The following SPDYE3 variants were observed in gnomAD, a reference collection of about 807,000 sequenced individuals.
The protein encoded by SPDYE3 is speedy/RINGO cell cycle regulator family member E3.
In SPDYE3, 15 loss-of-function variants were observed where a neutral mutation model predicts 55.0. The observed-to-expected ratio is 0.27, with a 90% CI of 0.18 to 0.42. The LOEUF (loss-of-function observed/expected upper bound fraction) is 0.42, where lower values mean the gene tolerates loss of function less well. SPDYE3 is among the 10% of genes least tolerant of loss of function. SPDYE3 has a pLI of 1.00. For missense variants in SPDYE3, 236 were observed against 576.7 expected, an observed-to-expected ratio of 0.41 and a Z score of 6.05; for synonymous variants, 89 against 229.9, an observed-to-expected ratio of 0.39 and a Z score of 5.55.
chr7:100,316,924 C>T lies in SPDYE3; in HGVS notation c.1261-146C>T, dbSNP rs538916434. On this transcript the variant is annotated intron_variant, in intron 7 of 10. Transcript: ENST00000332397. ...GACCTTCGAATACCCCTCCACCCCG[C>T]AATTTCCACATGAGCACAGTCACCC... 2.7e-5 allele frequency: 29 copies of T among 1,091,924 alleles called. No individual in the cohort carries two copies. The African/African-American group carries it at 4.3e-4, about 16-fold the overall frequency. 67.6% of individuals were successfully genotyped at this position (1,091,924 alleles called of 1,614,324 possible).
chr7:100,319,589 G>A lies in SPDYE3; in HGVS notation c.1371G>A (p.Glu457=). 6.2e-7 allele frequency: 1 copy of A among 1,614,194 alleles called. No homozygotes were observed. Among genetic ancestry groups the A allele is most frequent in the South Asian group, 1.1e-5 (1 of 91,088 alleles). Residue 457 remains glutamate (E), a synonymous_variant, in exon 9 of 11, where the codon GAG becomes GAA. Coordinates refer to ENST00000332397, the MANE Select transcript of SPDYE3 (RefSeq NM_001004351.5). ...GCTATCTGGCCAATGACATGGAGGA[G>A]GACGACGAGGCCCCCAAACAAAAGA... ...LALYLANDME[E]DDEAPKQKIF...
intron 10 of SPDYE3, 124 bp downstream of exon 10, chr7:100,320,159 A>G (rs1427122887): frequency 1.3e-6 from 2 of 1,510,266 alleles, no homozygotes; most frequent in Non-Finnish European, 1.8e-6. Flanking sequence ...TCTCCACAAA[A>G]ATACAAAAAT....
intron 8 of SPDYE3, among the ~76,000 whole-genome samples, chr7:100,317,975 CAAAAAAAAAA>C (rs1159920205): frequency 2.3e-4 from 10 of 43,864 alleles, no homozygotes; most frequent in East Asian, 6.9e-4. Context: ...GACTCCGTCT[CAAAAAAAAAA>C]AAAAAAAAAA....
chr7:100,317,656 G>T (rs1440016964), intron 8 of SPDYE3, among the ~76,000 whole-genome samples: 1 of 150,574 alleles, frequency 6.6e-6, no homozygotes, highest in Non-Finnish European at 1.5e-5. Context: ...AAACTCCAAT[G>T]CCAGTGTACA....
chr7:100,315,549 C>T (rs1806083046), intron 6 of SPDYE3, among the ~76,000 whole-genome samples: 1 of 152,124 alleles, frequency 6.6e-6, no homozygotes, highest in African/African-American at 2.4e-5. Context: ...ATTCCCAGCT[C>T]TACATCCTGT....
In SPDYE3 at chr7:100,321,859, T is replaced by A. The variant is rs1349060087; in HGVS notation, c.*1014T>A. The stretch of plus-strand genomic sequence containing the variant: ...AAATATATTTATTTATTTAAATATT[T>A]ATTAAATATATTTATTTATTTAAAT... On this transcript the variant is annotated 3_prime_UTR_variant, in exon 11 of 11. Transcript: ENST00000332397. 1 of 146,558 alleles carries A rather than the reference T, an allele frequency of 6.8e-6. No homozygotes were observed. The highest frequency in any genetic ancestry group is 1.9e-4 in the East Asian group (1 of 5,156). The allele number at this position is 146,558 out of a possible 1,614,324, so 9.1% of individuals were successfully genotyped here.
In SPDYE3 at chr7:100,321,337, TG is replaced by T. The variant is rs1215533814; in HGVS notation, c.*494del. 3.2e-6 allele frequency: 1 copy of T among 315,290 alleles called. No individual in the cohort carries two copies. Among genetic ancestry groups the T allele is most frequent in the African/African-American group, 2.2e-5 (1 of 45,092 alleles). The allele number at this position is 315,290 out of a possible 1,614,324, so 19.5% of individuals were successfully genotyped here. A position where few individuals can be genotyped will look rare whatever the true frequency, so the allele number is the denominator to read the frequency against. ...GCTTCATGCACACTATGCATTTTAT[TG>T]GTTTGTTTGGAAAATGTTGGCCATT... On this transcript the variant is annotated 3_prime_UTR_variant, in exon 11 of 11. Transcript: ENST00000332397.
chr7:100,312,847 G>A (rs1194319153), intron 4 of SPDYE3, among the ~76,000 whole-genome samples: 1 of 145,088 alleles, frequency 6.9e-6, no homozygotes, highest in Admixed American at 6.9e-5. Flanking sequence ...CTACACTCCA[G>A]CCTGGGTGAC....
chr7:100,311,351 T>C (rs1479476389), intron 3 of SPDYE3, among the ~76,000 whole-genome samples: 2 of 120,150 alleles, frequency 1.7e-5, no homozygotes, highest in Non-Finnish European at 1.7e-5. Context: ...CTGGGCATTA[T>C]GGCAGGCACC....
chr7:100,318,362 G>A (rs1789487940), intron 8 of SPDYE3, among the ~76,000 whole-genome samples: 1 of 152,096 alleles, frequency 6.6e-6, no homozygotes, highest in African/African-American at 2.4e-5. Context: ...GGTCCACAGT[G>A]CCAATTCCAC....
intron 6 of SPDYE3, among the ~76,000 whole-genome samples, chr7:100,315,288 T>A (rs983845898): frequency 2.6e-5 from 4 of 151,766 alleles, no homozygotes; most frequent in African/African-American, 7.3e-5. Context: ...CAAAATAAAT[T>A]AATAAATAAA....
At chr7:100,313,918 A>G (rs1281203546) in intron 5 of SPDYE3, among the ~76,000 whole-genome samples, 3 of 70,878 alleles carry the variant, frequency 4.2e-5, no homozygotes, top group African/African-American at 1.1e-4. Context: ...AGAAGAAGAA[A>G]AAAAAGAAGG....
At chr7:100,317,568 G>A (rs1414220066) in intron 8 of SPDYE3, among the ~76,000 whole-genome samples, 1 of 151,488 alleles carries the variant, frequency 6.6e-6, no homozygotes, top group Non-Finnish European at 1.5e-5. Context: ...TTGAGCCACT[G>A]CACTCCAGCC....
chr7:100,318,025 G>A (rs1157913698), intron 8 of SPDYE3, among the ~76,000 whole-genome samples: 3 of 149,214 alleles, frequency 2.0e-5, no homozygotes, highest in Admixed American at 6.7e-5. Flanking sequence ...ACCATGAACC[G>A]CTCCTAAGGG....
chr7:100,317,541 G>A (rs940944175), intron 8 of SPDYE3, among the ~76,000 whole-genome samples: 4 of 151,564 alleles, frequency 2.6e-5, no homozygotes, highest in African/African-American at 9.7e-5. Context: ...GGAGGTGGAG[G>A]TTGCAGTAAG....
rs779271978 is a variant in SPDYE3 at position 100,315,841 on chromosome 7, A to T, written c.1258A>T (p.Lys420Ter). ...AWDKDLRVSD[K>*]YLLAMVIAYF... ...GGACAAAGATCTGAGGGTGTCAGAC[A>T]AGGTAAGGTTGTTCTCTATGTAACT... The change falls in exon 7 of 11, where the codon AAG becomes TAG. Residue 420 changes from lysine to a stop codon, truncating the protein, a stop_gained and splice_region_variant. Coordinates refer to ENST00000332397, the MANE Select transcript of SPDYE3 (RefSeq NM_001004351.5). LOFTEE classifies it high-confidence loss of function. 2 of 1,600,306 alleles carry T rather than the reference A, an allele frequency of 1.2e-6. No homozygotes were observed. The highest frequency in any genetic ancestry group is 1.7e-6 in the Non-Finnish European group (2 of 1,179,714).
rs1272960481 is a variant in SPDYE3 at position 100,315,829 on chromosome 7, A to G, written c.1246A>G (p.Arg416Gly). Residue 416 changes from arginine (R) to glycine (G), a missense_variant, in exon 7 of 11, where the codon AGG becomes GGG. Transcript: ENST00000332397. ...KRFLAWDKDLRVSDKYLLAMV... is the reference protein window; with the variant it reads ...KRFLAWDKDLGVSDKYLLAMV... ...ATTCCTGGCCTGGGACAAAGATCTG[A>G]GGGTGTCAGACAAGGTAAGGTTGTT... 1 of 1,600,234 alleles carries G rather than the reference A, an allele frequency of 6.2e-7. No individual in the cohort carries two copies. Among genetic ancestry groups the G allele is most frequent in the Non-Finnish European group, 8.5e-7 (1 of 1,179,748 alleles).
intron 3 of SPDYE3, among the ~76,000 whole-genome samples, chr7:100,311,477 T>G (rs2129960511): frequency 7.4e-6 from 1 of 134,894 alleles, no homozygotes; most frequent in Non-Finnish European, 1.6e-5. Flanking sequence ...CAAAGCAAGA[T>G]TCTGTCTCGA....
Position 100,314,363 on chromosome 7 carries a change from G to A in SPDYE3, c.983-169G>A, listed in dbSNP as rs1429748989. 7.9e-6 allele frequency: 4 copies of A among 507,472 alleles called. 1 individual carries two copies. Among genetic ancestry groups the A allele is most frequent in the Non-Finnish European group, 1.4e-5 (4 of 281,426 alleles). 31.4% of individuals were successfully genotyped at this position (507,472 alleles called of 1,614,324 possible). A position where few individuals can be genotyped will look rare whatever the true frequency, so the allele number is the denominator to read the frequency against. The stretch of plus-strand genomic sequence containing the variant: ...ACAGAGAGAGGGAAGAATGGGGAGG[G>A]GAAGGAGTGGCACATGGGGTTGAGC... On this transcript the variant is annotated intron_variant, in intron 5 of 10. Coordinates refer to ENST00000332397, the MANE Select transcript of SPDYE3 (RefSeq NM_001004351.5).
Sources: gnomAD v4.1 joint callset for allele counts (sites outside exome capture counted in the v4.1 genomes callset) on GRCh38, gnomAD v4.1.1 for gene constraint, MANE v1.5 for transcripts, NCBI Gene and HGNC (gene_info 2026-07-23, HGNC 2026-07-21) for gene names.